Variants in ZNF648 observed in about 807,000 individuals in gnomAD.
The protein encoded by ZNF648 is zinc finger protein 648.
A neutral mutation model predicts 0.3 loss-of-function variants in ZNF648; 1 was observed. The observed-to-expected ratio is 3.90, with a 90% CI of 1.39 to 18.51. ZNF648 has a LOEUF of 18.51. Ranked by LOEUF, ZNF648 falls within the 30% of genes most tolerant of loss-of-function variation. The pLI, the probability that ZNF648 is intolerant of heterozygous loss-of-function variation, is 0.11. For missense variants in ZNF648, 874 were observed against 769.7 expected, an observed-to-expected ratio of 1.14 and a Z score of -1.60; for synonymous variants, 376 against 326.8, an observed-to-expected ratio of 1.15 and a Z score of -1.62.
upstream of ZNF648, among the ~76,000 whole-genome samples, chr1:182,066,345 G>A (rs888707942): frequency 9.2e-5 from 14 of 152,190 alleles, no homozygotes; most frequent in African/African-American, 3.4e-4. Context: ...ACTGGCCTAT[G>A]TTCTTCCCCA....
rs1665915757 is a variant in ZNF648 at position 182,056,598 on chromosome 1, A to G, written c.1413T>C (p.Thr471=). ...SRLVRHQRIH[T]GERPFPCTQC... is the part of the protein sequence containing the mutation. ...GCGTGCAAGGAAAGGGCCTCTCGCC[A>G]GTGTGGATGCGCTGGTGGCGCACGA... The change falls in exon 2 of 2, where the codon ACT becomes ACC. Residue 471 remains threonine, a synonymous_variant. Transcript: ENST00000339948. 1.9e-6 allele frequency: 3 copies of G among 1,613,760 alleles called. No individual in the cohort carries two copies. In the African/African-American group the frequency reaches 4.0e-5, roughly 21 times the overall value.
At chr1:182,059,595 CT>C (rs1435974279) in intron 1 of ZNF648, among the ~76,000 whole-genome samples, 1 of 152,112 alleles carries the variant, frequency 6.6e-6, no homozygotes, top group Non-Finnish European at 1.5e-5. Context: ...TCATTTATTC[CT>C]CTCAGCAAAC....
At position 182,057,164 on chromosome 1, in the gene ZNF648, G is replaced by A. The variant is rs934037185; in HGVS notation, c.847C>T (p.Leu283=). The stretch of plus-strand genomic sequence containing the variant: ...CGGTGGGAGTAGGCCTTCCCGCATA[G>A]CTCGCACGCGTAGCGCTTGGCGGCG... ...GGAAKRYACE[L]CGKAYSHRGT... The change falls in exon 2 of 2, where the codon CTA becomes TTA. Residue 283 remains leucine, a synonymous_variant. Transcript: ENST00000339948. The A allele has an allele frequency of 1.2e-5, 19 of 1,595,968 alleles. No homozygotes were observed. Among genetic ancestry groups the A allele is most frequent in the Non-Finnish European group, 1.4e-5 (17 of 1,176,198 alleles).
rs1462792044 is a variant in ZNF648 at position 182,057,359 on chromosome 1, T to A, written c.652A>T (p.Ser218Cys). 1.2e-6 allele frequency: 2 copies of A among 1,611,698 alleles called. No individual in the cohort carries two copies. The highest frequency in any genetic ancestry group is 4.5e-5 in the East Asian group (2 of 44,872). The stretch of plus-strand genomic sequence containing the variant: ...TTTGCCAGGACCGCGGCAGCCAGGC[T>A]GGCTGGGGTGGCCGACGCCTGGGCT... ...TPAQASATPA[S>C]LAAAVLAKAR... The change falls in exon 2 of 2, where the codon AGC becomes TGC. Residue 218 changes from serine to cysteine, a missense_variant. Transcript: ENST00000339948.
the ZNF648 span, chr1:182,068,438 G>C: frequency 6.6e-6 from 1 of 152,300 alleles, no homozygotes; most frequent in African/African-American, 2.4e-5. Context: ...TAGAACAGAA[G>C]ACAGTAGAAT....
Position 182,057,647 on chromosome 1 carries a change from C to A in ZNF648, c.364G>T (p.Ala122Ser), listed in dbSNP as rs1206529831. 1 of 1,614,236 alleles carries A rather than the reference C, an allele frequency of 6.2e-7. No individual in the cohort carries two copies. Among genetic ancestry groups the A allele is most frequent in the Admixed American group, 1.7e-5 (1 of 60,036 alleles). ...AGACCACTGGGAAGGGAACCCAGAG[C>A]TCTGCTTGCTCCCGGGGAACCCTGG... is the stretch of plus-strand genomic sequence containing the variant. ...ETQGSPGASR[A>S]LGSLPSGLAH... The change falls in exon 2 of 2, where the codon GCT becomes TCT. Residue 122 changes from alanine to serine, a missense_variant. Physicochemically the swap from Ala to Ser is moderately conservative, Grantham distance 99. Coordinates refer to ENST00000339948, the MANE Select transcript of ZNF648 (RefSeq NM_001009992.1).
chr1:182,057,735 C>G lies in ZNF648; in HGVS notation c.276G>C (p.Gln92His). ...SDSSSAGGMG[Q>H]KPVEMSGKAS... is the part of the protein sequence containing the mutation. ...CTTTCCCAGACATTTCCACTGGTTT[C>G]TGCCCCATGCCCCCAGCACTGGAGG... Residue 92 changes from glutamine (Q) to histidine (H), a missense_variant, in exon 2 of 2, where the codon CAG becomes CAC. Gln to His is a conservative substitution (Grantham distance 24). Transcript: ENST00000339948. 6.2e-7 allele frequency: 1 copy of G among 1,614,244 alleles called. No homozygotes were observed. Among genetic ancestry groups the G allele is most frequent in the Non-Finnish European group, 8.5e-7 (1 of 1,180,052 alleles).
chr1:182,056,153 ACTTT>A lies in ZNF648; in HGVS notation c.*147_*150del. On this transcript the variant is annotated 3_prime_UTR_variant, in exon 2 of 2. Coordinates refer to ENST00000339948, the MANE Select transcript of ZNF648 (RefSeq NM_001009992.1). The stretch of plus-strand genomic sequence containing the variant: ...CCACCTGGGTGCTCTCTCGGTGGTG[ACTTT>A]CTGTTCAAGGGATCAAATAAATAAT... The A allele has an allele frequency of 3.2e-6, 3 of 941,148 alleles. No homozygotes were observed. The highest frequency in any genetic ancestry group is 2.9e-6 in the Non-Finnish European group (2 of 687,456). 58.3% of individuals were successfully genotyped at this position (941,148 alleles called of 1,614,324 possible). A position where few individuals can be genotyped will look rare whatever the true frequency, so the allele number is the denominator to read the frequency against.
At chr1:182,062,369 A>C (rs1254026604), upstream of ZNF648, among the ~76,000 whole-genome samples, 1 of 152,210 alleles carries the variant, frequency 6.6e-6, no homozygotes, top group African/African-American at 2.4e-5. Context: ...TCTAATGTGC[A>C]TTTATTAGGA....
upstream of ZNF648, chr1:182,064,984 A>G (rs1257349817): frequency 6.6e-6 from 1 of 152,196 alleles, no homozygotes; most frequent in Non-Finnish European, 1.5e-5. Context: ...TGGTACATTT[A>G]TTGAGCAGTT....
At chr1:182,066,606 A>G (rs564416563), upstream of ZNF648, among the ~76,000 whole-genome samples, 1 of 152,324 alleles carries the variant, frequency 6.6e-6, no homozygotes, top group African/African-American at 2.4e-5. Context: ...CTCAGTACAC[A>G]ACCTTGAGTC....
At chr1:182,065,404 G>C (rs1011627761), upstream of ZNF648, among the ~76,000 whole-genome samples, 1 of 152,186 alleles carries the variant, frequency 6.6e-6, no homozygotes, top group Non-Finnish European at 1.5e-5. Flanking sequence ...TTCCCACTAA[G>C]TGCCTGCACA....
At chr1:182,067,310 T>C in the ZNF648 span, among the ~76,000 whole-genome samples, 2 of 152,310 alleles carry the variant, frequency 1.3e-5, no homozygotes, top group East Asian at 1.9e-4. Flanking sequence ...TGTGAGCAAG[T>C]TGCTTAACCT....
At chr1:182,066,351 C>T (rs1317053269), upstream of ZNF648, among the ~76,000 whole-genome samples, 1 of 152,176 alleles carries the variant, frequency 6.6e-6, no homozygotes, top group South Asian at 2.1e-4. Flanking sequence ...CTATGTTCTT[C>T]CCCATGCTCT....
In ZNF648 at chr1:182,055,474, AG is replaced by A. The variant is rs767777675; in HGVS notation, c.*829del. The A allele has an allele frequency of 2.0e-5, 3 of 152,230 alleles. No homozygotes were observed. Among genetic ancestry groups the A allele is most frequent in the Non-Finnish European group, 4.4e-5 (3 of 68,046 alleles). 9.4% of individuals were successfully genotyped at this position (152,230 alleles called of 1,614,324 possible). ...CTTTGTAAATATCACATATGACTTAAGCCCTCAGAGTGCAAACAGGAAAAGA... is the reference window on the plus strand; with the variant it reads ...CTTTGTAAATATCACATATGACTTAACCCTCAGAGTGCAAACAGGAAAAGA... On this transcript the variant is annotated 3_prime_UTR_variant, in exon 2 of 2. Coordinates refer to ENST00000339948, the MANE Select transcript of ZNF648 (RefSeq NM_001009992.1). The surrounding 1 kb of genome is among the most constrained non-coding windows in gnomAD (Gnocchi z 4.1).
chr1:182,057,774 C>G lies in ZNF648; in HGVS notation c.237G>C (p.Glu79Asp). ...CAGCACTGGAGGAGTCAGAGAATTTCTCTTCCTCTTTGCCCAGTGGATGGG... is the reference window on the plus strand; with the variant it reads ...CAGCACTGGAGGAGTCAGAGAATTTGTCTTCCTCTTTGCCCAGTGGATGGG... The part of the protein sequence containing the change: ...PWPHPLGKEE[E>D]KFSDSSSAGG... Residue 79 changes from glutamate (E) to aspartate (D), a missense_variant, in exon 2 of 2, where the codon GAG (glutamate) becomes GAC (aspartate). Physicochemically the swap from Glu to Asp is conservative, Grantham distance 45 (BLOSUM62 2). Transcript: ENST00000339948. 1 of 1,614,228 alleles carries G rather than the reference C, an allele frequency of 6.2e-7. No homozygotes were observed. Among genetic ancestry groups the G allele is most frequent in the Non-Finnish European group, 8.5e-7 (1 of 1,180,040 alleles).
chr1:182,067,344 T>C, the ZNF648 span, among the ~76,000 whole-genome samples: 4 of 152,220 alleles, frequency 2.6e-5, no homozygotes, highest in Admixed American at 6.5e-5. Flanking sequence ...TTTCTTTGTC[T>C]GTAAATTATG....
At position 182,056,656 on chromosome 1, in the gene ZNF648, T is replaced by C. The variant is rs1665917993; in HGVS notation, c.1355A>G (p.Asp452Gly). Reference protein sequence around the residue: ...HTGQRPFKCADCGVAFAQPSR... With the variant: ...HTGQRPFKCAGCGVAFAQPSR... ...GGGCTGCGCGAAGGCCACGCCGCAG[T>C]CAGCGCACTTGAAAGGCCTCTGGCC... Residue 452 changes from aspartate (D) to glycine (G), a missense_variant, in exon 2 of 2, where the codon GAC (aspartate) becomes GGC (glycine). Coordinates refer to ENST00000339948, the MANE Select transcript of ZNF648 (RefSeq NM_001009992.1). 5 of 1,608,144 alleles carry C rather than the reference T, an allele frequency of 3.1e-6. No homozygotes were observed. Among genetic ancestry groups the C allele is most frequent in the Non-Finnish European group, 3.4e-6 (4 of 1,177,242 alleles).
Position 182,056,539 on chromosome 1 carries a change from A to G in ZNF648, c.1472T>C (p.Leu491Pro), listed in dbSNP as rs1411105633. 1.2e-6 allele frequency: 2 copies of G among 1,613,954 alleles called. No homozygotes were observed. Among genetic ancestry groups the G allele is most frequent in the South Asian group, 1.1e-5 (1 of 91,030 alleles). ...CGQAFARSST[L>P]KRHQQIHSGE... is the part of the protein sequence containing the mutation. ...GGAGTGGATCTGTTGGTGCCGCTTC[A>G]GGGTCGAAGAGCGGGCAAAGGCCTG... Residue 491 changes from leucine to proline, a missense_variant, in exon 2 of 2, where the codon CTG becomes CCG. Physicochemically the swap from Leu to Pro is moderately conservative, Grantham distance 98. Coordinates refer to ENST00000339948, the MANE Select transcript of ZNF648 (RefSeq NM_001009992.1).
Sources: gnomAD v4.1 joint callset for allele counts (sites outside exome capture counted in the v4.1 genomes callset) on GRCh38, gnomAD v4.1.1 for gene constraint, Gnocchi (gnomAD v3.1) non-coding constraint, MANE v1.5 for transcripts, NCBI Gene and HGNC (gene_info 2026-07-23, HGNC 2026-07-21) for gene names.